Variants in NHS observed in about 807,000 individuals in gnomAD.
The protein encoded by NHS is actin remodeling regulator NHS.
A neutral mutation model predicts 72.5 loss-of-function variants in NHS; 5 were observed. The observed-to-expected ratio is 0.07, with a 90% CI of 0.04 to 0.14. NHS has a LOEUF of 0.14. NHS is among the 10% of genes least tolerant of loss of function. The pLI is 1.00. For missense variants in NHS, 1,072 were observed against 1,355.7 expected (o/e 0.79, Z 3.29); for synonymous variants, 464 against 547.7 (o/e 0.85, Z 2.13).
intron 1 of NHS, among the ~76,000 whole-genome samples, chrX:17,677,361 T>C (rs1280790506): frequency 8.9e-6 from 1 of 111,915 alleles, no homozygotes; most frequent in Non-Finnish European, 1.9e-5. Context: ...AACAGTACAA[T>C]TTCTAGCTTT....
At chrX:17,661,049 C>T (rs1378475971) in intron 1 of NHS, among the ~76,000 whole-genome samples, 1 of 111,548 alleles carries the variant, frequency 9.0e-6, no homozygotes, top group Non-Finnish European at 1.9e-5. Flanking sequence ...ATCATTTATG[C>T]CCTACGGAAG....
intron 1 of NHS, among the ~76,000 whole-genome samples, chrX:17,652,879 AAAT>A (rs2065936921): frequency 8.9e-6 from 1 of 111,750 alleles, no homozygotes; most frequent in Non-Finnish European, 1.9e-5. Flanking sequence ...GTATCAATTA[AAAT>A]AATAATTTAA....
chrX:17,419,510 A>G (rs1351811379), intron 1 of NHS, among the ~76,000 whole-genome samples: 2 of 111,702 alleles, frequency 1.8e-5, no homozygotes, highest in African/African-American at 6.5e-5. Context: ...ATGCTGTGGG[A>G]AGCCTGGGTG....
rs1198198418 is a variant in NHS, at chrX:17,659,695, T to C, written c.566-28047T>C. On this transcript the variant is annotated intron_variant, in intron 1 of 8. Transcript: ENST00000676302. ...GATTTAAAATCCAAGTATGATCTTC[T>C]TCTGGTTCTTACTGTATAATCACTT... Among the ~76,000 whole-genome samples, 37 of 112,457 alleles carry C rather than the reference T, an allele frequency of 3.3e-4. No individual in the cohort carries two copies. The Admixed American group carries it at 3.5e-3, about 11-fold the overall frequency.
chrX:17,534,756 T>A (rs895181077), intron 1 of NHS, among the ~76,000 whole-genome samples: 2 of 112,406 alleles, frequency 1.8e-5, no homozygotes, highest in African/African-American at 6.5e-5. Context: ...AGATTCATGT[T>A]CAATGTTTGT....
chrX:17,597,997 A>G (rs2065632977), intron 1 of NHS, among the ~76,000 whole-genome samples: 1 of 111,323 alleles, frequency 9.0e-6, no homozygotes, highest in South Asian at 3.8e-4. Context: ...CTGTCTATGA[A>G]TGCAGCCCTG....
intron 1 of NHS, among the ~76,000 whole-genome samples, chrX:17,494,486 A>G (rs756991746): frequency 8.9e-6 from 1 of 112,363 alleles, no homozygotes; most frequent in Non-Finnish European, 1.9e-5. Flanking sequence ...TCTGACTCCA[A>G]ACTTGTTCTG....
chrX:17,704,329 C>T (rs966962127), intron 3 of NHS, among the ~76,000 whole-genome samples: 1 of 109,841 alleles, frequency 9.1e-6, no homozygotes, highest in Non-Finnish European at 1.9e-5. Flanking sequence ...TGGAGTCTCA[C>T]TCTGTCACCC....
intron 1 of NHS, among the ~76,000 whole-genome samples, chrX:17,561,594 A>G (rs1188026788): frequency 3.9e-5 from 4 of 102,532 alleles, no homozygotes; most frequent in Non-Finnish European, 7.9e-5. Flanking sequence ...ACACACACAC[A>G]CACACACACA....
At chrX:17,543,032 G>T (rs2065272101) in intron 1 of NHS, among the ~76,000 whole-genome samples, 1 of 111,644 alleles carries the variant, frequency 9.0e-6, no homozygotes, top group Non-Finnish European at 1.9e-5. Flanking sequence ...TCTGGGGGAG[G>T]TGGTATAAAC....
At chrX:17,675,635 A>G (rs1163345888) in intron 1 of NHS, among the ~76,000 whole-genome samples, 1 of 112,002 alleles carries the variant, frequency 8.9e-6, no homozygotes, top group African/African-American at 3.3e-5. Context: ...ACACCACTGC[A>G]CACTCAGCTA....
intron 3 of NHS, among the ~76,000 whole-genome samples, chrX:17,695,563 T>C (rs1028971432): frequency 9.0e-6 from 1 of 111,505 alleles, no homozygotes; most frequent in African/African-American, 3.3e-5. Flanking sequence ...AGGTTGTATA[T>C]CTGTGATTCC....
chrX:17,635,748 A>G (rs1331462376), intron 1 of NHS: 1 of 601,291 alleles, frequency 1.7e-6, no homozygotes. Flanking sequence ...TCACAGGAAC[A>G]GCTGTGAGGA....
rs41311817 is a variant in NHS, at chrX:17,728,300, A to G, written c.4194A>G (p.Gln1398=). The G allele has an allele frequency of 3.3e-6, 4 of 1,210,219 alleles. No individual in the cohort carries two copies. The highest frequency in any genetic ancestry group is 4.5e-6 in the Non-Finnish European group (4 of 895,062). The change falls in exon 7 of 9, where the codon CAA becomes CAG. Residue 1398 remains glutamine, a synonymous_variant. Transcript: ENST00000676302. Reference sequence around the variant, plus strand: ...ATAACAGCAAAGCAGAGGAGACCCAAGGAAATGTGGATGAGGCTTCATTGA... The same window carrying G: ...ATAACAGCAAAGCAGAGGAGACCCAGGGAAATGTGGATGAGGCTTCATTGA... ...ASDNSKAEET[Q]GNVDEASLKE...
At chrX:17,473,242 C>A (rs1407992968) in intron 1 of NHS, among the ~76,000 whole-genome samples, 1 of 111,948 alleles carries the variant, frequency 8.9e-6, no homozygotes, top group African/African-American at 3.2e-5. Context: ...TGAACAGTGG[C>A]CCATTTATAC....
intron 1 of NHS, among the ~76,000 whole-genome samples, chrX:17,603,524 G>A (rs2065662934): frequency 1.8e-5 from 2 of 111,762 alleles, no homozygotes; most frequent in African/African-American, 3.3e-5. Flanking sequence ...TAGAACAAAA[G>A]GAATTTGCTT....
In NHS at chrX:17,721,490, C is replaced by T. The variant is rs200313691; in HGVS notation, c.965C>T (p.Pro322Leu). 35 of 1,209,490 alleles carry T rather than the reference C, an allele frequency of 2.9e-5. No individual in the cohort carries two copies. Among genetic ancestry groups the T allele is most frequent in the Admixed American group, 2.6e-4 (12 of 45,659 alleles). The change falls in exon 5 of 9, where the codon CCG (proline) becomes CTG (leucine). Residue 322 changes from proline to leucine, a missense_variant. Coordinates refer to ENST00000676302, the MANE Select transcript of NHS (RefSeq NM_001291867.2). ...ACAGATGTCATGTTAGGGCAGAGGC[C>T]GAAAAACCCAATACACAATATCCCT... ...EDTDVMLGQR[P>L]KNPIHNIPST...
At chrX:17,512,878 C>T (rs955943804) in intron 1 of NHS, among the ~76,000 whole-genome samples, 3 of 111,564 alleles carry the variant, frequency 2.7e-5, no homozygotes, top group Non-Finnish European at 3.8e-5. Context: ...GGCTGATAAG[C>T]AAAACACAAG....
chrX:17,466,337 A>C (rs1275167141), intron 1 of NHS, among the ~76,000 whole-genome samples: 3 of 112,578 alleles, frequency 2.7e-5, no homozygotes, highest in African/African-American at 3.2e-5. Context: ...ATTAGAATGG[A>C]TTTCAGTGCT....
Sources: gnomAD v4.1 joint callset for allele counts (sites outside exome capture counted in the v4.1 genomes callset) on GRCh38, gnomAD v4.1.1 for gene constraint, MANE v1.5 for transcripts, NCBI Gene and HGNC (gene_info 2026-07-23, HGNC 2026-07-21) for gene names.